Variants in COL15A1 observed in about 807,000 individuals in gnomAD.
COL15A1 encodes collagen alpha-1(XV) chain.
Under a neutral mutation model 165.9 loss-of-function variants are expected in COL15A1, and 111 were observed. The observed-to-expected ratio is 0.67, with a 90% confidence interval of 0.57 to 0.78. The LOEUF (loss-of-function observed/expected upper bound fraction) is 0.78, where lower values mean the gene tolerates loss of function less well. Ranked by LOEUF, COL15A1 falls within the 30% of genes least tolerant of loss-of-function variation. The probability of loss-of-function intolerance (pLI) is 0.00; values close to 1 mark genes in which losing one functional copy is unlikely to be tolerated. For synonymous variants in COL15A1, 659 were observed against 674.8 expected (o/e 0.98, Z 0.36); for missense variants, 1,745 against 1,789.7 (o/e 0.98, Z 0.45).
intron 5 of COL15A1, among the ~76,000 whole-genome samples, chr9:98,995,767 A>G (rs946429890): frequency 2.6e-5 from 4 of 152,226 alleles, no homozygotes; most frequent in African/African-American, 4.8e-5. Flanking sequence ...CTTTTTGCTC[A>G]TCTGTACTTA....
At chr9:98,972,462 T>C (rs527481438) in intron 2 of COL15A1, among the ~76,000 whole-genome samples, 5 of 152,318 alleles carry the variant, frequency 3.3e-5, no homozygotes, top group Non-Finnish European at 7.3e-5. Context: ...TCCAACTGCT[T>C]ATTAACCTCA....
At chr9:98,948,378 C>A (rs1335957341) in intron 2 of COL15A1, among the ~76,000 whole-genome samples, 4 of 152,098 alleles carry the variant, frequency 2.6e-5, no homozygotes, top group African/African-American at 9.7e-5. Context: ...GCGGGCAGAT[C>A]ATTAGGTCAG....
chr9:99,066,498 C>T (rs1825892800), intron 39 of COL15A1, among the ~76,000 whole-genome samples: 1 of 152,082 alleles, frequency 6.6e-6, no homozygotes, highest in African/African-American at 2.4e-5. Context: ...CAGCTTAAAA[C>T]CCCTGCACAG....
chr9:98,947,626 A>G (rs956647157), intron 2 of COL15A1, among the ~76,000 whole-genome samples: 1 of 152,186 alleles, frequency 6.6e-6, no homozygotes, highest in African/African-American at 2.4e-5. Flanking sequence ...AGCCTGGTAC[A>G]GAGCTGGCAC....
chr9:98,994,017 T>C (rs1838498406), intron 5 of COL15A1, among the ~76,000 whole-genome samples: 1 of 152,036 alleles, frequency 6.6e-6, no homozygotes. Context: ...ATCCAATTCT[T>C]TGCATTTTCA....
At chr9:98,971,274 G>A (rs927137307) in intron 2 of COL15A1, among the ~76,000 whole-genome samples, 23 of 152,104 alleles carry the variant, frequency 1.5e-4, no homozygotes, top group Admixed American at 6.5e-4. Context: ...TGCCCCTCAC[G>A]TGCCCCTGAC....
intron 2 of COL15A1, among the ~76,000 whole-genome samples, chr9:98,968,959 T>C (rs901309068): frequency 2.6e-5 from 4 of 152,222 alleles, no homozygotes; most frequent in Admixed American, 2.0e-4. Flanking sequence ...TCAGATTTCA[T>C]TGATCTGAGA....
chr9:98,950,581 T>A (rs1837668657), intron 2 of COL15A1, among the ~76,000 whole-genome samples: 1 of 120,952 alleles, frequency 8.3e-6, no homozygotes, highest in Non-Finnish European at 1.7e-5. Context: ...CCTTCCTTCC[T>A]TCCTTCCTTC....
chr9:98,999,110 T>TG (rs1462309973), intron 6 of COL15A1, among the ~76,000 whole-genome samples: 2 of 152,148 alleles, frequency 1.3e-5, no homozygotes, highest in Non-Finnish European at 2.9e-5. Context: ...CATCACAGGA[T>TG]GGGACAGGAG....
intron 23 of COL15A1, chr9:99,041,183 C>T (rs1162457860): frequency 6.6e-6 from 1 of 152,574 alleles, no homozygotes; most frequent in Non-Finnish European, 1.5e-5. Context: ...GGAAGCTTCA[C>T]TGGACATATT....
chr9:99,004,626 A>T (rs1312129447), intron 8 of COL15A1, among the ~76,000 whole-genome samples: 1 of 152,166 alleles, frequency 6.6e-6, no homozygotes, highest in Non-Finnish European at 1.5e-5. Context: ...CACAGCTTGG[A>T]AGGGCTATTG....
intron 2 of COL15A1, among the ~76,000 whole-genome samples, chr9:98,982,570 C>T (rs1838249589): frequency 6.6e-6 from 1 of 152,040 alleles, no homozygotes; most frequent in Non-Finnish European, 1.5e-5. Context: ...TGTCAGGTGA[C>T]CTCTGCGGTT....
intron 36 of COL15A1, among the ~76,000 whole-genome samples, chr9:99,060,311 G>C (rs574711523): frequency 6.7e-6 from 1 of 149,380 alleles, no homozygotes; most frequent in South Asian, 2.1e-4. Context: ...ACCCAAACTG[G>C]AGTACAGTGG....
At chr9:99,049,315 G>A (rs947872152) in intron 28 of COL15A1, among the ~76,000 whole-genome samples, 3 of 152,160 alleles carry the variant, frequency 2.0e-5, no homozygotes, top group South Asian at 2.1e-4. Flanking sequence ...ATTCCCACCC[G>A]TATACTGGGA....
intron 39 of COL15A1, 99 bp from the exon 40 acceptor site, chr9:99,066,783 G>A: frequency 8.8e-7 from 1 of 1,135,306 alleles, no homozygotes; most frequent in Non-Finnish European, 1.3e-6. Context: ...GTGCCTTCCA[G>A]CCTAAGAAGT....
At chr9:98,965,960 G>A (rs10988397) in intron 2 of COL15A1, among the ~76,000 whole-genome samples, 36,043 of 149,674 alleles carry the variant, frequency 0.24, 4,757 homozygotes, top group Middle Eastern at 0.37. Flanking sequence ...TTTTCCAGGG[G>A]ACCCAATTCC....
Position 98,985,655 on chromosome 9 carries a change from TC to T in COL15A1, c.194del (p.Pro65ArgfsTer33), listed in dbSNP as rs781517725. The T allele has an allele frequency of 5.0e-6, 8 of 1,614,150 alleles. No homozygotes were observed. In the Admixed American group the frequency reaches 1.3e-4, roughly 27 times the overall value. On this transcript the variant is annotated frameshift_variant, in exon 3 of 42. Coordinates refer to ENST00000375001, the MANE Select transcript of COL15A1 (RefSeq NM_001855.5). LOFTEE classifies it high-confidence loss of function. ...TCCTTTGTCACAGGCTATGGTGGCT[TC>T]CCGGCCTACAGTTTCGGGCCTGGTG... Reference protein sequence around the residue: ...SVSFVTGYGGFPAYSFGPGAN... With the variant: ...SVSFVTGYGGXPAYSFGPGAN...
intron 2 of COL15A1, among the ~76,000 whole-genome samples, chr9:98,983,122 A>ATTTTT (rs965149813): frequency 1.3e-5 from 2 of 152,070 alleles, no homozygotes; most frequent in Non-Finnish European, 2.9e-5. Context: ...TTTATACTGT[A>ATTTTT]TTTTTTTGTG....
chr9:99,062,205 G>T, intron 37 of COL15A1, 40 bp from the exon 38 acceptor site: 2 of 1,600,916 alleles, frequency 1.2e-6, no homozygotes, highest in Non-Finnish European at 1.7e-6. Flanking sequence ...GGAGAAGTTT[G>T]TAATTGATCT....
Sources: gnomAD v4.1 joint callset for allele counts (sites outside exome capture counted in the v4.1 genomes callset) on GRCh38, gnomAD v4.1.1 for gene constraint, MANE v1.5 for transcripts, NCBI Gene and HGNC (gene_info 2026-07-23, HGNC 2026-07-21) for gene names.